The following RALYL variants were observed in gnomAD, a reference collection of about 807,000 sequenced individuals.
RALYL encodes the protein RALY RNA binding protein like.
In RALYL, 29 loss-of-function variants were observed where a neutral mutation model predicts 35.1. That is an observed-to-expected ratio of 0.83 (90% CI 0.61 to 1.13). RALYL has a LOEUF of 1.13. Among genes scored for constraint, RALYL ranks in the 50% most tolerant of loss-of-function variants. RALYL has a pLI of 0.00. For synonymous variants in RALYL, 120 were observed against 127.6 expected (o/e 0.94, Z 0.40); for missense variants, 359 against 360.4 (o/e 1.00, Z 0.03).
At chr8:84,549,114 C>T (rs759418159) in intron 2 of RALYL, among the ~76,000 whole-genome samples, 49 of 152,164 alleles carry the variant, frequency 3.2e-4, no homozygotes, top group Non-Finnish European at 4.9e-4. Context: ...TTCTCCCACA[C>T]AGATACAGCT....
chr8:84,847,025 C>G (rs1341071953), intron 4 of RALYL, among the ~76,000 whole-genome samples: 1 of 152,128 alleles, frequency 6.6e-6, no homozygotes, highest in East Asian at 1.9e-4. Flanking sequence ...TTCTAATTCC[C>G]CCATATACTG....
Position 84,347,282 on chromosome 8 carries a change from C to T in RALYL, c.-24+162858C>T, listed in dbSNP as rs571598804. ...TAATAACAATAATAAAATAATAAGC[C>T]CTTGACTTCTTTACTTTGCTGTCCT... On this transcript the variant is annotated intron_variant, in intron 1 of 8. Transcript: ENST00000521268. 3.3e-5 allele frequency among the ~76,000 whole-genome samples: 5 copies of T among 151,964 alleles called. No homozygotes were observed. In the East Asian group the frequency reaches 9.7e-4, roughly 29 times the overall value.
chr8:84,439,495 G>C (rs532139079), intron 1 of RALYL, among the ~76,000 whole-genome samples: 1 of 152,022 alleles, frequency 6.6e-6, no homozygotes, highest in Non-Finnish European at 1.5e-5. Flanking sequence ...TCTGTATTTT[G>C]TCTAATATAA....
intron 4 of RALYL, among the ~76,000 whole-genome samples, chr8:84,838,517 G>C (rs1207356271): frequency 6.6e-6 from 1 of 152,160 alleles, no homozygotes; most frequent in African/African-American, 2.4e-5. Flanking sequence ...AAACCATTAA[G>C]ACAAAAGCAG....
intron 2 of RALYL, among the ~76,000 whole-genome samples, chr8:84,650,458 A>G (rs1452536855): frequency 6.6e-6 from 1 of 152,092 alleles, no homozygotes; most frequent in African/African-American, 2.4e-5. Flanking sequence ...GCAGCCAAAA[A>G]ACACATGAAA....
At chr8:84,437,576 G>A (rs2047879286) in intron 1 of RALYL, among the ~76,000 whole-genome samples, 1 of 152,040 alleles carries the variant, frequency 6.6e-6, no homozygotes, top group Admixed American at 6.6e-5. Flanking sequence ...GTATCTCATT[G>A]TGGTTTTGAT....
At chr8:84,231,411 A>G (rs188714398) in intron 1 of RALYL, among the ~76,000 whole-genome samples, 8 of 152,314 alleles carry the variant, frequency 5.3e-5, no homozygotes, top group African/African-American at 1.2e-4. Flanking sequence ...AAAGGTTACA[A>G]TATATTCCAT....
At chr8:84,233,232 G>A (rs771843527) in intron 1 of RALYL, among the ~76,000 whole-genome samples, 3 of 152,012 alleles carry the variant, frequency 2.0e-5, no homozygotes, top group East Asian at 1.9e-4. Flanking sequence ...ACATCTTCCC[G>A]ACTTGGGCTC....
intron 1 of RALYL, among the ~76,000 whole-genome samples, chr8:84,309,656 A>G (rs1390560015): frequency 6.6e-6 from 1 of 152,228 alleles, no homozygotes; most frequent in Non-Finnish European, 1.5e-5. Flanking sequence ...TAAGCATATA[A>G]TTTATGGAAA....
chr8:84,485,911 C>A (rs1429329784), intron 1 of RALYL, among the ~76,000 whole-genome samples: 1 of 151,544 alleles, frequency 6.6e-6, no homozygotes, highest in African/African-American at 2.4e-5. Context: ...TGTTCTCCCA[C>A]AATTCATTGC....
In RALYL at chr8:84,425,783, C is replaced by CTATGTGTGTGTG. The variant is rs372367035; in HGVS notation, c.-23-103515_-23-103514insATGTGTGTGTGT. Among the ~76,000 whole-genome samples the CTATGTGTGTGTG allele has an allele frequency of 6.6e-3, 947 of 144,564 alleles. 20 individuals are homozygous for CTATGTGTGTGTG. Among genetic ancestry groups the CTATGTGTGTGTG allele is most frequent in the African/African-American group, 0.022 (874 of 38,908 alleles). The allele number at this position is 144,564 out of a possible 152,430, so 94.8% of individuals were successfully genotyped here. On this transcript the variant is annotated intron_variant, in intron 1 of 8. Coordinates refer to ENST00000521268, the MANE Select transcript of RALYL (RefSeq NM_173848.7). ...AATTTTTAGAAAGCCAGTTTTTCTTCTGTGTGTGTGTGTGTGTGTGTGTGT... is the reference window on the plus strand; with the variant it reads ...AATTTTTAGAAAGCCAGTTTTTCTTCTATGTGTGTGTGTGTGTGTGTGTGTGTGTGTGTGTGT...
At chr8:84,589,610 AAATAGCT>A (rs1352324087) in intron 2 of RALYL, among the ~76,000 whole-genome samples, 58 of 152,336 alleles carry the variant, frequency 3.8e-4, no homozygotes, top group African/African-American at 1.3e-3. Flanking sequence ...AAATACTTTT[AAATAGCT>A]AATATTATAC....
At chr8:84,446,276 G>A (rs2048843801) in intron 1 of RALYL, among the ~76,000 whole-genome samples, 1 of 151,840 alleles carries the variant, frequency 6.6e-6, no homozygotes, top group African/African-American at 2.4e-5. Flanking sequence ...TACCCATAAT[G>A]AGATCAAAGA....
At chr8:84,560,225 A>G (rs535385886) in intron 2 of RALYL, among the ~76,000 whole-genome samples, 2 of 152,088 alleles carry the variant, frequency 1.3e-5, no homozygotes, top group South Asian at 4.1e-4. Context: ...TTACCAATCT[A>G]TCTCTTGGCT....
intron 2 of RALYL, among the ~76,000 whole-genome samples, chr8:84,532,842 A>G (rs183678756): frequency 6.6e-6 from 1 of 152,216 alleles, no homozygotes; most frequent in Admixed American, 6.5e-5. Flanking sequence ...TATGAAGACT[A>G]TAGATAACTT....
chr8:84,660,838 A>G (rs1446455732), intron 2 of RALYL, among the ~76,000 whole-genome samples: 1 of 152,128 alleles, frequency 6.6e-6, no homozygotes, highest in Non-Finnish European at 1.5e-5. Flanking sequence ...ATTTGAAAAG[A>G]AAGTTTGGAT....
intron 1 of RALYL, among the ~76,000 whole-genome samples, chr8:84,510,808 CA>C (rs60199547): frequency 0.017 from 2,368 of 137,188 alleles, 34 homozygotes; most frequent in South Asian, 0.047. Context: ...GAAACTATCT[CA>C]AAAAAAAAAA....
intron 2 of RALYL, among the ~76,000 whole-genome samples, chr8:84,762,599 GC>G (rs1241235999): frequency 5.9e-5 from 9 of 152,114 alleles, no homozygotes; most frequent in African/African-American, 2.2e-4. Flanking sequence ...TAAAAAGTCA[GC>G]TTTATCCACA....
chr8:84,400,823 T>G (rs1330019997), intron 1 of RALYL, among the ~76,000 whole-genome samples: 1 of 152,210 alleles, frequency 6.6e-6, no homozygotes, highest in African/African-American at 2.4e-5. Context: ...GATTTTCATG[T>G]TCATGTGTCA....
Sources: allele counts gnomAD v4.1 joint callset (sites outside exome capture counted in the v4.1 genomes callset), GRCh38; gene constraint gnomAD v4.1.1; transcripts MANE v1.5; gene names NCBI Gene and HGNC (gene_info 2026-07-23, HGNC 2026-07-21).